Variants in GPR107 observed in about 807,000 individuals in gnomAD.
The protein encoded by GPR107 is protein GPR107.
GPR107 carries 31 observed loss-of-function variants against 75.5 expected under a neutral mutation model. That is an observed-to-expected ratio of 0.41 (90% confidence interval 0.31 to 0.55). The LOEUF is 0.55. GPR107 is among the 20% of genes least tolerant of loss of function. The pLI is 0.26. For synonymous variants in GPR107, 267 were observed against 251.3 expected (o/e 1.06, Z -0.59); for missense variants, 572 against 665.7 (o/e 0.86, Z 1.55).
intron 14 of GPR107, chr9:130,108,889 G>A: frequency 2.2e-5 from 9 of 408,706 alleles, no homozygotes; most frequent in East Asian, 7.9e-5. Flanking sequence ...GCTTCTAGCC[G>A]GGCTACATAG....
intron 6 of GPR107, 78 bp from the exon 7 acceptor site, chr9:130,086,342 T>C: frequency 1.3e-6 from 1 of 766,908 alleles, no homozygotes; most frequent in South Asian, 1.5e-5. Flanking sequence ...ACATGTTTTG[T>C]TTTGTTTAAT....
At chr9:130,108,434 TA>T (rs1352277650) in intron 14 of GPR107, among the ~76,000 whole-genome samples, 1 of 152,242 alleles carries the variant, frequency 6.6e-6, no homozygotes, top group Non-Finnish European at 1.5e-5. Flanking sequence ...GGTATATAAC[TA>T]ATAACGCATT....
At chr9:130,083,634 T>A in intron 6 of GPR107, 32 bp downstream of exon 6, 1 of 1,410,050 alleles carries the variant, frequency 7.1e-7, no homozygotes, top group Non-Finnish European at 9.5e-7. Context: ...GTGCTCAGCT[T>A]TTCTGGATAT....
chr9:130,062,309 A>C (rs1050942428), intron 1 of GPR107, among the ~76,000 whole-genome samples: 9 of 151,672 alleles, frequency 5.9e-5, no homozygotes, highest in Admixed American at 1.3e-4. Flanking sequence ...GCTACTCGGG[A>C]GGCTGCGGCA....
intron 1 of GPR107, among the ~76,000 whole-genome samples, chr9:130,065,974 C>CT (rs937857148): frequency 1.7e-4 from 16 of 96,770 alleles, no homozygotes; most frequent in Admixed American, 1.4e-3. Context: ...CATTTATTCA[C>CT]TCCCCCCCAA....
intron 16 of GPR107, among the ~76,000 whole-genome samples, chr9:130,128,230 CCTT>C (rs1345204429): frequency 6.6e-6 from 1 of 152,162 alleles, no homozygotes; most frequent in African/African-American, 2.4e-5. Flanking sequence ...TTCAGGCTGC[CCTT>C]CTTCTTTGCC....
intron 17 of GPR107, 176 bp downstream of exon 17, chr9:130,128,937 A>G: frequency 1.7e-6 from 1 of 597,756 alleles, no homozygotes. Context: ...GGTTTGAAGT[A>G]CAGTATCTGC....
chr9:130,101,335 C>A, intron 12 of GPR107, 112 bp downstream of exon 12: 2 of 697,634 alleles, frequency 2.9e-6, no homozygotes. Flanking sequence ...CCAGCTTCTG[C>A]TAGTGGAGGT....
intron 14 of GPR107, among the ~76,000 whole-genome samples, chr9:130,110,686 T>C (rs1831275338): frequency 6.6e-6 from 1 of 152,212 alleles, no homozygotes; most frequent in Non-Finnish European, 1.5e-5. Context: ...GAGCCTCCCC[T>C]GCAGAGAGGT....
At chr9:130,110,661 C>T (rs1300128276) in intron 14 of GPR107, among the ~76,000 whole-genome samples, 1 of 152,242 alleles carries the variant, frequency 6.6e-6, no homozygotes, top group Non-Finnish European at 1.5e-5. Flanking sequence ...GCCAGAGCAG[C>T]CGTGTTCCCA....
At chr9:130,127,389 T>C in intron 15 of GPR107, 94 bp from the exon 16 acceptor site, 1 of 727,164 alleles carries the variant, frequency 1.4e-6, no homozygotes, top group Admixed American at 2.0e-5. Flanking sequence ...GATTCTGTTT[T>C]CTGTTTCCTA....
Position 130,091,993 on chromosome 9 carries a change from C to T in GPR107, c.730-255C>T, listed in dbSNP as rs140211535. 5.1e-3 allele frequency among the ~76,000 whole-genome samples: 770 copies of T among 152,110 alleles called. 7 individuals carry two copies. Among genetic ancestry groups the T allele is most frequent in the African/African-American group, 0.018 (734 of 41,506 alleles). On this transcript the variant is annotated intron_variant, in intron 8 of 17. Transcript: ENST00000347136. ...ACAGGCGTGAGCCACTGTGCCTGGC[C>T]CTAATTTTTTTTGTGTTTTTAGTAG...
intron 12 of GPR107, 92 bp downstream of exon 12, chr9:130,101,315 C>A: frequency 1.4e-6 from 1 of 726,658 alleles, no homozygotes; most frequent in Non-Finnish European, 2.5e-6. Flanking sequence ...AGTCACCTCA[C>A]CCTGAAACCC....
intron 1 of GPR107, among the ~76,000 whole-genome samples, chr9:130,063,019 A>G (rs1026386996): frequency 2.0e-5 from 3 of 152,202 alleles, no homozygotes; most frequent in East Asian, 3.8e-4. Flanking sequence ...GACAGGGAAG[A>G]TTTGGTTATT....
At chr9:130,119,066 C>G (rs1831491391) in intron 14 of GPR107, among the ~76,000 whole-genome samples, 1 of 152,232 alleles carries the variant, frequency 6.6e-6, no homozygotes, top group South Asian at 2.1e-4. Context: ...CCGCCACAGT[C>G]CGGTGAGCAG....
intron 1 of GPR107, among the ~76,000 whole-genome samples, chr9:130,068,609 T>TA (rs1237508732): frequency 2.6e-5 from 4 of 152,318 alleles, no homozygotes; most frequent in South Asian, 2.1e-4. Context: ...CTATTTTTTT[T>TA]ATGACTGAAA....
Position 130,075,294 on chromosome 9 carries a change from G to C in GPR107, c.142-342G>C, listed in dbSNP as rs896875057. Among the ~76,000 whole-genome samples, 7 of 141,698 alleles carry C rather than the reference G, an allele frequency of 4.9e-5. No individual in the cohort carries two copies. The Admixed American group carries it at 5.1e-4, about 10-fold the overall frequency. The allele number at this position is 141,698 out of a possible 152,430, so 93.0% of individuals were successfully genotyped here. A position where few individuals can be genotyped will look rare whatever the true frequency, so the allele number is the denominator to read the frequency against. ...GAGTCTTGCTCCGTCACCCAAGCTA[G>C]AGTGCAGTGGCATGATCTCGGCTCA... On this transcript the variant is annotated intron_variant, in intron 1 of 17. Transcript: ENST00000347136.
intron 1 of GPR107, among the ~76,000 whole-genome samples, chr9:130,062,644 G>A (rs147803156): frequency 1.4e-5 from 1 of 70,908 alleles, no homozygotes; most frequent in Non-Finnish European, 2.9e-5. Context: ...CTGCCTGCCT[G>A]CCTGCCTGCC....
intron 9 of GPR107, among the ~76,000 whole-genome samples, chr9:130,093,468 T>C (rs1830790373): frequency 6.6e-6 from 1 of 152,166 alleles, no homozygotes; most frequent in Non-Finnish European, 1.5e-5. Context: ...CTCTGGAGCA[T>C]TGGGGTGGAA....
Sources: allele counts gnomAD v4.1 joint callset (sites outside exome capture counted in the v4.1 genomes callset), GRCh38; gene constraint gnomAD v4.1.1; transcripts MANE v1.5; gene names NCBI Gene and HGNC (gene_info 2026-07-23, HGNC 2026-07-21).